TWIST2: variants seen among roughly 807,000 people sequenced by gnomAD.
The protein encoded by TWIST2 is twist-related protein 2.
Under a neutral mutation model 11.6 loss-of-function variants are expected in TWIST2, and 1 was observed. That is an observed-to-expected ratio of 0.09 (90% CI 0.03 to 0.41). The LOEUF is 0.41. TWIST2 is among the 10% of genes least tolerant of loss of function. The probability of loss-of-function intolerance (pLI) is 0.98; values close to 1 mark genes in which losing one functional copy is unlikely to be tolerated. For missense variants in TWIST2, 168 were observed against 226.4 expected (o/e 0.74, Z 1.66); for synonymous variants, 87 against 96.6 (o/e 0.90, Z 0.58).
intron 1 of TWIST2, among the ~76,000 whole-genome samples, chr2:238,894,395 T>C (rs944451832): frequency 0.46 from 69,595 of 151,940 alleles, 16,336 homozygotes; most frequent in East Asian, 0.72. Flanking sequence ...AGCGGCCCCT[T>C]GCCACCCCCA....
rs1207535178 is a variant in TWIST2, at chr2:238,867,498, C to T, written c.*35+18765C>T. On this transcript the variant is annotated intron_variant, in intron 1 of 1. Coordinates refer to ENST00000612363, the MANE Select transcript of TWIST2 (RefSeq NM_001271893.4). This position sits in a 1 kb window ranked among gnomAD's most constrained non-coding sequence, Gnocchi z 4.8. ...CAATAAAGAGAAGTCCCAGCCAGCT[C>T]CCGGGGTGGTGTGGGCTGAGGAAGA... Among the ~76,000 whole-genome samples, 1 of 151,880 alleles carries T rather than the reference C, an allele frequency of 6.6e-6. No individual in the cohort carries two copies. The highest frequency in any genetic ancestry group is 2.4e-5 in the African/African-American group (1 of 41,312).
chr2:238,862,578 C>T (rs1234332697), intron 1 of TWIST2, among the ~76,000 whole-genome samples: 1 of 152,090 alleles, frequency 6.6e-6, no homozygotes, highest in South Asian at 2.1e-4. Context: ...GTGGGGGAAC[C>T]AGGCCATCCT....
chr2:238,900,821 A>T (rs1223497509), intron 1 of TWIST2, among the ~76,000 whole-genome samples: 9 of 152,014 alleles, frequency 5.9e-5, no homozygotes, highest in Admixed American at 5.9e-4. Context: ...TTTCTTCGTG[A>T]TTCAGCTGGG....
At chr2:238,908,890 TGG>T (rs1693402161) in intron 1 of TWIST2, among the ~76,000 whole-genome samples, 2 of 49,782 alleles carry the variant, frequency 4.0e-5, no homozygotes, top group South Asian at 1.3e-3. Flanking sequence ...TGGTGTGTGG[TGG>T]TGTATGTAGT....
At chr2:238,874,542 C>G (rs1036536938) in intron 1 of TWIST2, among the ~76,000 whole-genome samples, 1 of 152,200 alleles carries the variant, frequency 6.6e-6, no homozygotes, top group East Asian at 1.9e-4. Flanking sequence ...TTGGACGACT[C>G]TCTCCCTGGT....
intron 1 of TWIST2, among the ~76,000 whole-genome samples, chr2:238,894,177 G>A (rs1693180326): frequency 6.6e-6 from 1 of 152,184 alleles, no homozygotes; most frequent in Non-Finnish European, 1.5e-5. Flanking sequence ...GCCTCAGTCT[G>A]GAGAATCTGC....
intron 1 of TWIST2, among the ~76,000 whole-genome samples, chr2:238,849,524 C>T (rs902110941): frequency 2.4e-4 from 37 of 152,308 alleles, no homozygotes; most frequent in African/African-American, 8.4e-4. Context: ...AACTGGGAGC[C>T]CTGAGTCCCA....
chr2:238,850,382 T>C (rs1319790334), intron 1 of TWIST2, among the ~76,000 whole-genome samples: 2 of 152,202 alleles, frequency 1.3e-5, no homozygotes, highest in Non-Finnish European at 2.9e-5. Context: ...ATTAGTTACT[T>C]CCATTTATGC....
chr2:238,893,128 G>A (rs933553748), intron 1 of TWIST2, among the ~76,000 whole-genome samples: 6 of 152,272 alleles, frequency 3.9e-5, no homozygotes, highest in Non-Finnish European at 7.4e-5. Flanking sequence ...CTGGGACCTG[G>A]CATTGAATTA....
intron 1 of TWIST2, among the ~76,000 whole-genome samples, chr2:238,870,512 T>C (rs1220714826): frequency 2.9e-4 from 14 of 48,934 alleles, no homozygotes; most frequent in East Asian, 7.6e-4. Context: ...ACACATCACA[T>C]ACCACACACA....
intron 1 of TWIST2, among the ~76,000 whole-genome samples, chr2:238,855,780 A>G (rs1410461900): frequency 6.6e-6 from 1 of 152,170 alleles, no homozygotes; most frequent in Non-Finnish European, 1.5e-5. Context: ...CAGACTGTAA[A>G]TACAGAATGG....
chr2:238,850,772 A>G (rs1692228648), intron 1 of TWIST2, among the ~76,000 whole-genome samples: 1 of 152,368 alleles, frequency 6.6e-6, no homozygotes, highest in African/African-American at 2.4e-5. Context: ...GGGAGAGCTG[A>G]TGATCTATAA....
intron 1 of TWIST2, among the ~76,000 whole-genome samples, chr2:238,887,628 C>G (rs1453547988): frequency 6.6e-6 from 1 of 152,204 alleles, no homozygotes; most frequent in African/African-American, 2.4e-5. Context: ...GGCCATAGGA[C>G]TAGTTCCAGC....
chr2:238,909,036 T>TTGTGGTTGTGGTA lies in TWIST2; in HGVS notation c.*36-806_*36-805insTGTGGTTGTGGTA, dbSNP rs1693407316. Among the ~76,000 whole-genome samples, 51 of 145,818 alleles carry TTGTGGTTGTGGTA rather than the reference T, an allele frequency of 3.5e-4. 7 individuals carry two copies. The highest frequency in any genetic ancestry group is 1.2e-3 in the African/African-American group (50 of 40,150). ...GTGTGTATGTGGAGGTGTGGTGTAT[T>TTGTGGTTGTGGTA]CGTGGTTGTGGTATGTGTATGTGGT... On this transcript the variant is annotated intron_variant, in intron 1 of 1. Coordinates refer to ENST00000612363, the MANE Select transcript of TWIST2 (RefSeq NM_001271893.4).
intron 1 of TWIST2, among the ~76,000 whole-genome samples, chr2:238,876,387 G>C (rs982380790): frequency 2.0e-5 from 3 of 152,208 alleles, no homozygotes; most frequent in Admixed American, 2.0e-4. Context: ...CTCCCTGTCT[G>C]GGTAAACACC....
intron 1 of TWIST2, among the ~76,000 whole-genome samples, chr2:238,885,263 G>C (rs1693012916): frequency 6.6e-6 from 1 of 152,234 alleles, no homozygotes; most frequent in Non-Finnish European, 1.5e-5. Flanking sequence ...ATGGTGGTCA[G>C]TCTTCCCTCT....
intron 1 of TWIST2, among the ~76,000 whole-genome samples, chr2:238,870,554 A>C (rs1202130599): frequency 8.3e-6 from 1 of 120,160 alleles, no homozygotes; most frequent in Non-Finnish European, 1.7e-5. Context: ...CACACACCCC[A>C]CACACACCAC....
At chr2:238,901,826 T>G (rs1693271690) in intron 1 of TWIST2, among the ~76,000 whole-genome samples, 1 of 152,000 alleles carries the variant, frequency 6.6e-6, no homozygotes, top group African/African-American at 2.4e-5. Flanking sequence ...CTGGGACTTC[T>G]CCATGTCTGT....
At chr2:238,858,047 A>G (rs936127048) in intron 1 of TWIST2, among the ~76,000 whole-genome samples, 4 of 152,192 alleles carry the variant, frequency 2.6e-5, no homozygotes, top group African/African-American at 7.2e-5. Context: ...GGTTCTCTGT[A>G]CCAGGCTCTT....
Sources: gnomAD v4.1 joint callset for allele counts (sites outside exome capture counted in the v4.1 genomes callset) on GRCh38, gnomAD v4.1.1 for gene constraint, Gnocchi (gnomAD v3.1) non-coding constraint, MANE v1.5 for transcripts, NCBI Gene and HGNC (gene_info 2026-07-23, HGNC 2026-07-21) for gene names.